The following IPO8 variants were observed in gnomAD, a reference collection of about 807,000 sequenced individuals.
IPO8 encodes importin 8.
In IPO8, 65 loss-of-function variants were observed where a neutral mutation model predicts 141.2. The ratio of observed to expected loss-of-function variants is 0.46; its 90% CI spans 0.38 to 0.57. The LOEUF is 0.57. Ranked by LOEUF, IPO8 falls within the 20% of genes least tolerant of loss-of-function variation. IPO8 has a pLI of 0.00. For synonymous variants in IPO8, 411 were observed against 420.3 expected, an observed-to-expected ratio of 0.98 and a Z score of 0.27; for missense variants, 980 against 1,246.8, an observed-to-expected ratio of 0.79 and a Z score of 3.22.
Position 30,690,492 on chromosome 12 carries a change from T to C in IPO8, c.166+4A>G, listed in dbSNP as rs1329438550. 30 of 1,559,038 alleles carry C rather than the reference T, an allele frequency of 1.9e-5. No individual in the cohort carries two copies. Among genetic ancestry groups the C allele is most frequent in the Non-Finnish European group, 2.6e-5 (30 of 1,143,414 alleles). On this transcript the variant is annotated splice_donor_region_variant and intron_variant, in intron 2 of 24. Coordinates refer to ENST00000256079, the MANE Select transcript of IPO8 (RefSeq NM_006390.4). The stretch of plus-strand genomic sequence containing the variant: ...AATTTATAAAGGATAAAAAACCAAC[T>C]CACCTGCCTGTCGTACTGGGAATTC...
chr12:30,639,791 G>A (rs2052552897), intron 20 of IPO8, 56 bp from the exon 21 acceptor site: 5 of 1,240,616 alleles, frequency 4.0e-6, no homozygotes, highest in Non-Finnish European at 4.7e-6. Flanking sequence ...AACTTTTATA[G>A]AAGCTGAATA....
chr12:30,669,227 T>C lies in IPO8; in HGVS notation c.1100A>G (p.Glu367Gly), dbSNP rs757224248. Residue 367 changes from glutamate to glycine, a missense_variant, in exon 10 of 25, where the codon GAG (glutamate) becomes GGG (glycine). Around this residue, in one of 3 missense-constraint regions of IPO8, gnomAD observed 924 missense variants for 1,153.9 expected, o/e 0.80. Transcript: ENST00000256079. ...SVMCYKDEDE[E>G]LWQEDPYEYI... is the part of the protein sequence containing the mutation. Reference sequence around the variant, plus strand: ...CTCATATGGATCTTCTTGCCACAGCTCTTCATCCTCATCTTTATAACACAT... The same window carrying C: ...CTCATATGGATCTTCTTGCCACAGCCCTTCATCCTCATCTTTATAACACAT... 1 of 1,595,864 alleles carries C rather than the reference T, an allele frequency of 6.3e-7. No homozygotes were observed. Among genetic ancestry groups the C allele is most frequent in the Non-Finnish European group, 8.5e-7 (1 of 1,172,660 alleles).
chr12:30,645,733 T>C (rs914140076), intron 20 of IPO8, among the ~76,000 whole-genome samples: 1 of 152,018 alleles, frequency 6.6e-6, no homozygotes, highest in Non-Finnish European at 1.5e-5. Flanking sequence ...ATGAACCACA[T>C]GCAATGAATT....
intron 17 of IPO8, among the ~76,000 whole-genome samples, chr12:30,655,114 T>C (rs1157477667): frequency 6.6e-6 from 1 of 152,168 alleles, no homozygotes; most frequent in Non-Finnish European, 1.5e-5. Context: ...GAAATTCTTT[T>C]ATTATTAATT....
intron 17 of IPO8, among the ~76,000 whole-genome samples, chr12:30,654,184 C>T (rs1458432260): frequency 6.6e-6 from 1 of 151,852 alleles, no homozygotes; most frequent in Non-Finnish European, 1.5e-5. Flanking sequence ...CATCTTACAC[C>T]ACATACAAAA....
chr12:30,671,071 T>C lies in IPO8; in HGVS notation c.935A>G (p.Tyr312Cys). 1.9e-6 allele frequency: 3 copies of C among 1,602,242 alleles called. No individual in the cohort carries two copies. Among genetic ancestry groups the C allele is most frequent in the African/African-American group, 2.7e-5 (2 of 74,736 alleles). The change falls in exon 9 of 25, where the codon TAT (tyrosine) becomes TGT (cysteine). Residue 312 changes from tyrosine to cysteine, a missense_variant. By Grantham distance (194) the Tyr-to-Cys change is radical. Around this residue, in one of 3 missense-constraint regions of IPO8, gnomAD observed 924 missense variants for 1,153.9 expected, o/e 0.80. Coordinates refer to ENST00000256079, the MANE Select transcript of IPO8 (RefSeq NM_006390.4). Reference sequence around the variant, plus strand: ...GGGAGCTACATATTCTTTCTGTCTATATTGATCTAAAATTTTTAGTAGCAC... The same window carrying C: ...GGGAGCTACATATTCTTTCTGTCTACATTGATCTAAAATTTTTAGTAGCAC... Reference protein sequence around the residue: ...QQVLLKILDQYRQKEYVAPRV... With the variant: ...QQVLLKILDQCRQKEYVAPRV...
In IPO8 at chr12:30,639,734, C is replaced by T; in HGVS notation, c.2270G>A (p.Cys757Tyr). 3 of 1,612,348 alleles carry T rather than the reference C, an allele frequency of 1.9e-6. No homozygotes were observed. Among genetic ancestry groups the T allele is most frequent in the African/African-American group, 1.3e-5 (1 of 75,032 alleles). Reference sequence around the variant, plus strand: ...AACAAGTTGAACGAAGAGTGGAATGCACTAGAAGACAAGCAAAAGAAAGTC... The same window carrying T: ...AACAAGTTGAACGAAGAGTGGAATGTACTAGAAGACAAGCAAAAGAAAGTC... ...LQCKGRGIDQCIPLFVQLVLE... is the reference protein window; with the variant it reads ...LQCKGRGIDQYIPLFVQLVLE... Residue 757 changes from cysteine (C) to tyrosine (Y), a missense_variant and splice_region_variant, in exon 21 of 25, where the codon TGC becomes TAC. Coordinates refer to ENST00000256079, the MANE Select transcript of IPO8 (RefSeq NM_006390.4).
rs1234764565 is a variant in IPO8 at position 30,684,362 on chromosome 12, C to T, written c.262G>A (p.Asp88Asn). Residue 88 changes from aspartate (D) to asparagine (N), a missense_variant, in exon 3 of 25, where the codon GAT becomes AAT. This residue lies in a region of IPO8 where 924 missense variants were observed against 1,153.9 expected (regional missense o/e 0.80). Coordinates refer to ENST00000256079, the MANE Select transcript of IPO8 (RefSeq NM_006390.4). Reference protein sequence around the residue: ...AIFPFNIHENDRQQIRDNIVE... With the variant: ...AIFPFNIHENNRQQIRDNIVE... ...ATGTTATCACGTATTTGCTGGCGAT[C>T]GTTTTCGTGAATGTTGAATGGAAAT... 5 of 1,614,094 alleles carry T rather than the reference C, an allele frequency of 3.1e-6. No homozygotes were observed. The highest frequency in any genetic ancestry group is 1.7e-5 in the Admixed American group (1 of 60,014).
At chr12:30,646,537 A>AC (rs201672852) in intron 20 of IPO8, among the ~76,000 whole-genome samples, 1 of 151,470 alleles carries the variant, frequency 6.6e-6, no homozygotes, top group Non-Finnish European at 1.5e-5. Flanking sequence ...CCCAAACTGG[A>AC]AAGGTAAAAC....
At chr12:30,648,985 G>A in intron 20 of IPO8, 152 bp downstream of exon 20, 1 of 497,392 alleles carries the variant, frequency 2.0e-6, no homozygotes, top group Non-Finnish European at 3.6e-6. Context: ...AAACTACCTG[G>A]CTCTTTTTGT....
intron 8 of IPO8, among the ~76,000 whole-genome samples, chr12:30,671,313 G>A (rs1026772878): frequency 3.3e-5 from 5 of 152,096 alleles, no homozygotes; most frequent in African/African-American, 1.2e-4. Flanking sequence ...GTAACTTCCA[G>A]GCAAAGTCTA....
chr12:30,653,331 T>G (rs1038207645), intron 17 of IPO8, among the ~76,000 whole-genome samples: 1 of 152,068 alleles, frequency 6.6e-6, no homozygotes, highest in Admixed American at 6.6e-5. Flanking sequence ...TCACTAAACT[T>G]TCTTATACTA....
chr12:30,635,099 T>C (rs1424144254), intron 22 of IPO8, among the ~76,000 whole-genome samples: 5 of 152,120 alleles, frequency 3.3e-5, no homozygotes, highest in Admixed American at 6.6e-5. Context: ...CACTTATACA[T>C]AGAATCTAAA....
At chr12:30,657,999 C>T (rs2052825474) in intron 16 of IPO8, among the ~76,000 whole-genome samples, 1 of 152,094 alleles carries the variant, frequency 6.6e-6, no homozygotes, top group Non-Finnish European at 1.5e-5. Context: ...TTTCTTTTCA[C>T]ATCTTTTGAA....
intron 17 of IPO8, 151 bp downstream of exon 17, chr12:30,656,533 A>G: frequency 2.1e-6 from 1 of 471,800 alleles, no homozygotes; most frequent in Non-Finnish European, 3.8e-6. Context: ...CAGATATTTA[A>G]CACTAGAAAG....
chr12:30,660,136 T>C (rs2136147630), intron 16 of IPO8, among the ~76,000 whole-genome samples: 2 of 151,992 alleles, frequency 1.3e-5, no homozygotes, highest in South Asian at 4.2e-4. Flanking sequence ...GGCAGGAGAA[T>C]TGCTTGAACC....
At chr12:30,671,796 A>G (rs1488708233) in intron 8 of IPO8, among the ~76,000 whole-genome samples, 4 of 143,596 alleles carry the variant, frequency 2.8e-5, no homozygotes, top group African/African-American at 7.3e-5. Context: ...GACTTCTTCA[A>G]ATTAGAAGAG....
At chr12:30,634,383 G>A in intron 22 of IPO8, 97 bp from the exon 23 acceptor site, 1 of 916,952 alleles carries the variant, frequency 1.1e-6, no homozygotes. Context: ...CTACACTCTG[G>A]AAAGGAAAAA....
Position 30,684,375 on chromosome 12 carries a change from G to A in IPO8, c.249C>T (p.Asn83=). ...PPPGEAIFPF[N]IHENDRQQIR... ...TTTGCTGGCGATCGTTTTCGTGAATGTTGAATGGAAATATTGCTTCTCCTG... is the reference window on the plus strand; with the variant it reads ...TTTGCTGGCGATCGTTTTCGTGAATATTGAATGGAAATATTGCTTCTCCTG... Residue 83 remains asparagine, a synonymous_variant, in exon 3 of 25, where the codon AAC becomes AAT. Transcript: ENST00000256079. 1 of 1,614,120 alleles carries A rather than the reference G, an allele frequency of 6.2e-7. No homozygotes were observed.
Sources: gnomAD v4.1 joint callset for allele counts (sites outside exome capture counted in the v4.1 genomes callset) on GRCh38, gnomAD v4.1.1 for gene constraint, gnomAD v4.1.1 regional missense constraint, MANE v1.5 for transcripts, NCBI Gene and HGNC (gene_info 2026-07-23, HGNC 2026-07-21) for gene names.